Variants in KIAA0825 observed in about 807,000 individuals in gnomAD.
The protein encoded by KIAA0825 is KIAA0825, also known as uncharacterized protein KIAA0825.
Under a neutral mutation model 147.6 loss-of-function variants are expected in KIAA0825, and 119 were observed. The observed-to-expected ratio is 0.81, with a 90% CI of 0.69 to 0.94. The LOEUF (loss-of-function observed/expected upper bound fraction) is 0.94. Ranked by LOEUF, KIAA0825 falls within the 40% of genes least tolerant of loss-of-function variation. KIAA0825 has a pLI of 0.00. For missense variants in KIAA0825, 1,381 were observed against 1,472.7 expected (o/e 0.94, Z 1.02); for synonymous variants, 470 against 518.1 (o/e 0.91, Z 1.26).
At position 94,190,474 on chromosome 5, in the gene KIAA0825, C is replaced by T. The variant is rs181631331; in HGVS notation, c.3711-36350G>A. Among the ~76,000 whole-genome samples the T allele has an allele frequency of 1.4e-3, 207 of 151,426 alleles. 1 individual carries two copies. The highest frequency in any genetic ancestry group is 2.4e-3 in the African/African-American group (101 of 41,396). On this transcript the variant is annotated intron_variant, in intron 20 of 20. Coordinates refer to ENST00000682413, the MANE Select transcript of KIAA0825 (RefSeq NM_001145678.3). Reference sequence around the variant, plus strand: ...CTGAGTAGGTGGGACTACAGGCGCCCGCCACCACGCCCAGCTATTTTTTTT... The same window carrying T: ...CTGAGTAGGTGGGACTACAGGCGCCTGCCACCACGCCCAGCTATTTTTTTT...
At chr5:94,553,199 G>A (rs980442264) in intron 2 of KIAA0825, among the ~76,000 whole-genome samples, 26 of 152,304 alleles carry the variant, frequency 1.7e-4, no homozygotes, top group Middle Eastern at 6.8e-3. Flanking sequence ...AGTACTTTGG[G>A]AGGCGGAGGC....
chr5:94,327,019 A>T (rs1323140565), intron 20 of KIAA0825, among the ~76,000 whole-genome samples: 1 of 152,202 alleles, frequency 6.6e-6, no homozygotes, highest in Non-Finnish European at 1.5e-5. Context: ...AAAACTATAG[A>T]GAAAAAAGAA....
At chr5:94,516,349 T>C (rs947748121) in intron 5 of KIAA0825, among the ~76,000 whole-genome samples, 7 of 152,148 alleles carry the variant, frequency 4.6e-5, no homozygotes, top group African/African-American at 1.7e-4. Flanking sequence ...CAGCATAGCA[T>C]AGCATAACAT....
At chr5:94,228,884 G>A (rs1043413815) in intron 20 of KIAA0825, among the ~76,000 whole-genome samples, 1 of 152,178 alleles carries the variant, frequency 6.6e-6, no homozygotes, top group African/African-American at 2.4e-5. Flanking sequence ...ATGGTTCTTT[G>A]TGAGAAATGG....
chr5:94,213,258 T>C (rs1461652976), intron 20 of KIAA0825, among the ~76,000 whole-genome samples: 2 of 152,144 alleles, frequency 1.3e-5, no homozygotes, highest in African/African-American at 4.8e-5. Context: ...ATTTTCCTTT[T>C]TCTCTGGTTT....
chr5:94,427,301 A>G (rs1755019147), intron 14 of KIAA0825, among the ~76,000 whole-genome samples: 1 of 152,282 alleles, frequency 6.6e-6, no homozygotes, highest in East Asian at 1.9e-4. Flanking sequence ...TGGGAGGTCG[A>G]GTAGGGAGGA....
chr5:94,561,686 G>GA (rs1019246650), intron 2 of KIAA0825, among the ~76,000 whole-genome samples: 5 of 152,130 alleles, frequency 3.3e-5, no homozygotes, highest in Admixed American at 3.3e-4. Flanking sequence ...ACAATGCATA[G>GA]AAAAACTCAT....
intron 20 of KIAA0825, among the ~76,000 whole-genome samples, chr5:94,266,491 T>G (rs1776742168): frequency 6.6e-6 from 1 of 152,232 alleles, no homozygotes; most frequent in Admixed American, 6.5e-5. Flanking sequence ...TTGTTGAATT[T>G]TGGTGCTGTA....
At position 94,187,225 on chromosome 5, in the gene KIAA0825, A is replaced by C. The variant is rs540340075; in HGVS notation, c.3711-33101T>G. On this transcript the variant is annotated intron_variant, in intron 20 of 20. Transcript: ENST00000682413. ...GTTGAGTAGGAAGAAGAAAAGGTAAATCTGAAAATTCTGATTAGATGGCTT... is the reference window on the plus strand; with the variant it reads ...GTTGAGTAGGAAGAAGAAAAGGTAACTCTGAAAATTCTGATTAGATGGCTT... Among the ~76,000 whole-genome samples the C allele has an allele frequency of 9.1e-4, 139 of 152,172 alleles. 1 individual carries two copies. The highest frequency in any genetic ancestry group is 3.2e-3 in the African/African-American group (134 of 41,510).
chr5:94,479,304 T>C (rs1762231721), intron 6 of KIAA0825, among the ~76,000 whole-genome samples: 1 of 152,178 alleles, frequency 6.6e-6, no homozygotes, highest in Non-Finnish European at 1.5e-5. Flanking sequence ...GCTGTCTTTA[T>C]AGTTTTGCCT....
intron 20 of KIAA0825, among the ~76,000 whole-genome samples, chr5:94,348,389 G>T (rs1299068359): frequency 6.6e-6 from 1 of 152,146 alleles, no homozygotes; most frequent in African/African-American, 2.4e-5. Flanking sequence ...TAAGAGCTAT[G>T]ATACGGAAGC....
intron 20 of KIAA0825, among the ~76,000 whole-genome samples, chr5:94,360,712 C>G (rs188814417): frequency 7.9e-5 from 12 of 152,330 alleles, no homozygotes; most frequent in South Asian, 4.1e-4. Context: ...TTGCCCACCC[C>G]TTTCCCAGAA....
intron 5 of KIAA0825, among the ~76,000 whole-genome samples, chr5:94,485,468 C>A (rs1198535970): frequency 6.6e-6 from 1 of 151,742 alleles, no homozygotes; most frequent in African/African-American, 2.4e-5. Context: ...TGACTGAAGT[C>A]TACTATGCAA....
chr5:94,350,343 T>C (rs1392887624), intron 20 of KIAA0825, among the ~76,000 whole-genome samples: 2 of 152,102 alleles, frequency 1.3e-5, no homozygotes, highest in East Asian at 1.9e-4. Context: ...CAGAATTCTA[T>C]CAGATATTCA....
At chr5:94,507,693 A>G (rs930036310) in intron 5 of KIAA0825, among the ~76,000 whole-genome samples, 2 of 144,976 alleles carry the variant, frequency 1.4e-5, no homozygotes, top group East Asian at 2.0e-4. Flanking sequence ...TACTTCTGAG[A>G]AAAAAAAAAA....
chr5:94,209,900 G>A (rs1583858559), intron 20 of KIAA0825, among the ~76,000 whole-genome samples: 1 of 152,192 alleles, frequency 6.6e-6, no homozygotes, highest in Non-Finnish European at 1.5e-5. Flanking sequence ...CACCACCCAG[G>A]TGGCTACATT....
rs1460923625 is a variant in KIAA0825 at position 94,151,491 on chromosome 5, G to T, written c.*2516C>A. ...AGTCAAAATAATCTGATAAATCAATGACTTGTCACCTAATACTCTCAATTA... is the reference window on the plus strand; with the variant it reads ...AGTCAAAATAATCTGATAAATCAATTACTTGTCACCTAATACTCTCAATTA... On this transcript the variant is annotated 3_prime_UTR_variant, in exon 21 of 21. Coordinates refer to ENST00000682413, the MANE Select transcript of KIAA0825 (RefSeq NM_001145678.3). Among the ~76,000 whole-genome samples, 1 of 137,226 alleles carries T rather than the reference G, an allele frequency of 7.3e-6. No individual in the cohort carries two copies. Among genetic ancestry groups the T allele is most frequent in the Non-Finnish European group, 1.5e-5 (1 of 64,606 alleles). The allele number at this position is 137,226 out of a possible 152,430, so 90.0% of individuals were successfully genotyped here.
chr5:94,535,192 C>A (rs1771707659), intron 3 of KIAA0825, among the ~76,000 whole-genome samples: 1 of 151,794 alleles, frequency 6.6e-6, no homozygotes, highest in African/African-American at 2.4e-5. Context: ...TCTCCTTTTT[C>A]CTTAGAGCAT....
At chr5:94,491,374 C>T (rs1325580190) in intron 5 of KIAA0825, among the ~76,000 whole-genome samples, 2 of 152,044 alleles carry the variant, frequency 1.3e-5, no homozygotes, top group African/African-American at 4.8e-5. Context: ...TAGGAACAAA[C>T]AATAAGCAGT....
Sources: allele counts gnomAD v4.1 joint callset (sites outside exome capture counted in the v4.1 genomes callset), GRCh38; gene constraint gnomAD v4.1.1; transcripts MANE v1.5; gene names NCBI Gene and HGNC (gene_info 2026-07-23, HGNC 2026-07-21).